The following VPS8 variants were observed in gnomAD, a reference collection of about 807,000 sequenced individuals.
VPS8 encodes VPS8 subunit of CORVET complex.
In VPS8, 129 loss-of-function variants were observed where a neutral mutation model predicts 216.4. That is an observed-to-expected ratio of 0.60 (90% confidence interval 0.52 to 0.69). The LOEUF (loss-of-function observed/expected upper bound fraction) is 0.69. Ranked by LOEUF, VPS8 falls within the 30% of genes least tolerant of loss-of-function variation. The pLI, the probability that VPS8 is intolerant of heterozygous loss-of-function variation, is 0.00. For synonymous variants in VPS8, 571 were observed against 565.4 expected, an observed-to-expected ratio of 1.01 and a Z score of -0.14; for missense variants, 1,531 against 1,683.5, an observed-to-expected ratio of 0.91 and a Z score of 1.59.
Position 184,993,363 on chromosome 3 carries a change from G to GT in VPS8, c.3586-610dup, listed in dbSNP as rs1273145198. Among the ~76,000 whole-genome samples, 1,157 of 150,820 alleles carry GT rather than the reference G, an allele frequency of 7.7e-3. 12 individuals are homozygous for GT. The highest frequency in any genetic ancestry group is 0.027 in the African/African-American group (1,098 of 40,966). On this transcript the variant is annotated intron_variant, in intron 42 of 47. Transcript: ENST00000625842. ...TTTTGTTTTGTTTTTTGTTTTTTGG[G>GT]TTTTTTTTTTGTACACTTCAGTGTT...
intron 42 of VPS8, among the ~76,000 whole-genome samples, chr3:184,992,338 T>G (rs1321048970): frequency 6.6e-6 from 1 of 152,192 alleles, no homozygotes; most frequent in Non-Finnish European, 1.5e-5. Flanking sequence ...CATTAGTTTA[T>G]CATTTACTTA....
chr3:184,871,543 GT>G (rs1206953173), intron 21 of VPS8, among the ~76,000 whole-genome samples: 1 of 151,968 alleles, frequency 6.6e-6, no homozygotes, highest in Non-Finnish European at 1.5e-5. Flanking sequence ...CCTTTCTTTT[GT>G]TTTTTGATTT....
intron 21 of VPS8, among the ~76,000 whole-genome samples, chr3:184,883,685 C>T (rs1023481013): frequency 1.3e-5 from 2 of 152,060 alleles, no homozygotes; most frequent in African/African-American, 4.8e-5. Flanking sequence ...TCAGATGCCC[C>T]CACCCTACAG....
rs1717049144 is a variant in VPS8, at chr3:184,819,372, G to A, written c.-88-5173G>A. Among the ~76,000 whole-genome samples, 3 of 152,252 alleles carry A rather than the reference G, an allele frequency of 2.0e-5. No individual in the cohort carries two copies. The South Asian group carries it at 6.2e-4, about 32-fold the overall frequency. On this transcript the variant is annotated intron_variant, in intron 1 of 47. Coordinates refer to ENST00000625842, the MANE Select transcript of VPS8 (RefSeq NM_001009921.3). ...TTATGTGCAAGTACTCTCTGGTATGGTATCCTCTTAAGAACTATAAAAACA... is the reference window on the plus strand; with the variant it reads ...TTATGTGCAAGTACTCTCTGGTATGATATCCTCTTAAGAACTATAAAAACA...
chr3:185,009,159 A>G (rs976165393), intron 45 of VPS8, among the ~76,000 whole-genome samples: 6 of 152,248 alleles, frequency 3.9e-5, no homozygotes, highest in Non-Finnish European at 5.9e-5. Flanking sequence ...AAATCTTCAT[A>G]CAGACAAAGA....
intron 42 of VPS8, among the ~76,000 whole-genome samples, chr3:184,989,014 CTTAA>C (rs1751509955): frequency 6.6e-6 from 1 of 152,180 alleles, no homozygotes; most frequent in Admixed American, 6.5e-5. Flanking sequence ...GCTATAATCA[CTTAA>C]TTGTTTCAGG....
At chr3:184,892,556 G>A (rs949844969) in intron 22 of VPS8, among the ~76,000 whole-genome samples, 1 of 152,072 alleles carries the variant, frequency 6.6e-6, no homozygotes, top group African/African-American at 2.4e-5. Context: ...CTTTCCTGAT[G>A]CACTAATAAG....
At chr3:184,819,916 A>C (rs984432046) in intron 1 of VPS8, among the ~76,000 whole-genome samples, 1 of 152,212 alleles carries the variant, frequency 6.6e-6, no homozygotes, top group African/African-American at 2.4e-5. Context: ...GATTCTAAGG[A>C]AGAGGAAATA....
Position 184,852,525 on chromosome 3 carries a change from T to C in VPS8, c.779T>C (p.Ile260Thr). The change falls in exon 11 of 48, where the codon ATT (isoleucine) becomes ACT (threonine). Residue 260 changes from isoleucine to threonine, a missense_variant. Ile to Thr is a moderately conservative substitution (Grantham distance 89). Coordinates refer to ENST00000625842, the MANE Select transcript of VPS8 (RefSeq NM_001009921.3). ...IKFTDDPTLAICNDSGGSVFE... is the reference protein window; with the variant it reads ...IKFTDDPTLATCNDSGGSVFE... ...TTTACAGATGATCCAACTCTTGCAA[T>C]TTGCAACGACAGCGGAGGCTCTGTT... is the stretch of plus-strand genomic sequence containing the variant. 6.2e-7 allele frequency: 1 copy of C among 1,613,652 alleles called. No individual in the cohort carries two copies. The highest frequency in any genetic ancestry group is 8.5e-7 in the Non-Finnish European group (1 of 1,179,700).
chr3:184,898,717 T>G, intron 24 of VPS8, 63 bp downstream of exon 24: 3 of 1,231,136 alleles, frequency 2.4e-6, no homozygotes, highest in Non-Finnish European at 3.4e-6. Context: ...TCTCCTATTC[T>G]CCATTTGCTT....
chr3:184,984,183 C>CG (rs1750675861), intron 42 of VPS8, among the ~76,000 whole-genome samples: 1 of 2,878 alleles, frequency 3.5e-4, no homozygotes, highest in Non-Finnish European at 5.0e-4. Flanking sequence ...GACTCCGTCT[C>CG]AAAAAAAAAA....
intron 36 of VPS8, among the ~76,000 whole-genome samples, chr3:184,941,478 C>T (rs1390999574): frequency 1.4e-5 from 2 of 141,424 alleles, no homozygotes; most frequent in Non-Finnish European, 3.0e-5. Flanking sequence ...AGAGTCAGTT[C>T]GGGCCCTTTT....
At chr3:184,906,908 C>G (rs965036533) in intron 25 of VPS8, among the ~76,000 whole-genome samples, 5 of 152,128 alleles carry the variant, frequency 3.3e-5, no homozygotes, top group African/African-American at 1.2e-4. Flanking sequence ...TAAGGTAGAT[C>G]ACATAATATC....
intron 14 of VPS8, 102 bp from the exon 15 acceptor site, chr3:184,859,883 G>A (rs1044907239): frequency 1.3e-6 from 1 of 760,710 alleles, no homozygotes; most frequent in Non-Finnish European, 2.1e-6. Flanking sequence ...CAGGGAATGG[G>A]ATAATGGGTA....
At chr3:184,839,056 A>G (rs1721634347) in intron 6 of VPS8, 1 of 284,448 alleles carries the variant, frequency 3.5e-6, no homozygotes, top group Non-Finnish European at 6.5e-6. Flanking sequence ...CTCCCCTTCC[A>G]CAAGGAATGG....
chr3:184,825,433 A>G (rs1252236332), intron 2 of VPS8, among the ~76,000 whole-genome samples: 4 of 152,278 alleles, frequency 2.6e-5, no homozygotes, highest in Admixed American at 1.3e-4. Context: ...GAATAACAGC[A>G]TGTTGCTTGA....
chr3:184,859,050 T>C (rs529664358), intron 14 of VPS8, among the ~76,000 whole-genome samples: 1 of 152,328 alleles, frequency 6.6e-6, no homozygotes, highest in Non-Finnish European at 1.5e-5. Context: ...TTTGCTCAAC[T>C]TTAATTTTTC....
At chr3:184,927,638 G>A (rs1739900351) in intron 31 of VPS8, among the ~76,000 whole-genome samples, 1 of 152,006 alleles carries the variant, frequency 6.6e-6, no homozygotes. Flanking sequence ...ATACATCAGT[G>A]GTATTCACAT....
At chr3:185,027,467 C>T (rs1404443978) in intron 46 of VPS8, among the ~76,000 whole-genome samples, 1 of 151,848 alleles carries the variant, frequency 6.6e-6, no homozygotes, top group Non-Finnish European at 1.5e-5. Flanking sequence ...TGGTCTCGAT[C>T]TCCTGACCTC....
Sources: allele counts gnomAD v4.1 joint callset (sites outside exome capture counted in the v4.1 genomes callset), GRCh38; gene constraint gnomAD v4.1.1; transcripts MANE v1.5; gene names NCBI Gene and HGNC (gene_info 2026-07-23, HGNC 2026-07-21).